Variants in CTDSPL observed in about 807,000 individuals in gnomAD.
CTDSPL encodes CTD small phosphatase like.
In CTDSPL, 8 loss-of-function variants were observed where a neutral mutation model predicts 30.5. The ratio of observed to expected loss-of-function variants is 0.26; its 90% CI spans 0.15 to 0.47. The LOEUF is 0.47. Among genes scored for constraint, CTDSPL ranks in the 20% least tolerant of loss-of-function variants. CTDSPL has a pLI of 0.99. For synonymous variants in CTDSPL, 110 were observed against 137.9 expected (o/e 0.80, Z 1.42); for missense variants, 248 against 366.1 (o/e 0.68, Z 2.63).
chr3:37,876,587 G>A (rs1302851336), intron 1 of CTDSPL, among the ~76,000 whole-genome samples: 2 of 152,110 alleles, frequency 1.3e-5, no homozygotes, highest in Non-Finnish European at 2.9e-5. Context: ...TTCTTTTTAT[G>A]TGTTTATTTG....
At chr3:37,952,267 C>G (rs993864844) in intron 2 of CTDSPL, among the ~76,000 whole-genome samples, 4 of 152,156 alleles carry the variant, frequency 2.6e-5, no homozygotes, top group African/African-American at 9.7e-5. Flanking sequence ...AGAAAGCTGA[C>G]AAATAATAGC....
chr3:37,894,665 CTT>C (rs1698371633), intron 1 of CTDSPL, among the ~76,000 whole-genome samples: 1 of 152,162 alleles, frequency 6.6e-6, no homozygotes. Flanking sequence ...TTCTCTCTCT[CTT>C]TGCCTTCTGG....
intron 7 of CTDSPL, among the ~76,000 whole-genome samples, chr3:37,979,585 C>T (rs535286191): frequency 6.8e-4 from 103 of 152,198 alleles, no homozygotes; most frequent in Non-Finnish European, 9.7e-4. Context: ...AAGAGCAAAA[C>T]TCCATCTCAA....
chr3:37,979,621 A>C (rs1184718166), intron 7 of CTDSPL, among the ~76,000 whole-genome samples: 1 of 151,952 alleles, frequency 6.6e-6, no homozygotes, highest in African/African-American at 2.4e-5. Context: ...AAAATTAGCC[A>C]AGCGTGGTGC....
At chr3:37,967,716 G>A (rs1699314369) in intron 4 of CTDSPL, 110 bp from the exon 5 acceptor site, 3 of 724,728 alleles carry the variant, frequency 4.1e-6, no homozygotes, top group Non-Finnish European at 6.9e-6. Context: ...CTCCTGAACT[G>A]TTTTTTCCAA....
At chr3:37,900,986 G>A (rs1179495552) in intron 1 of CTDSPL, among the ~76,000 whole-genome samples, 3 of 152,018 alleles carry the variant, frequency 2.0e-5, no homozygotes, top group East Asian at 1.9e-4. Flanking sequence ...TAGTAGAGAC[G>A]GGGTTTCACC....
Position 37,981,773 on chromosome 3 carries a change from T to C in CTDSPL, c.*906T>C. The C allele has an allele frequency of 2.2e-6, 1 of 455,782 alleles. No homozygotes were observed. The highest frequency in any genetic ancestry group is 4.4e-6 in the Non-Finnish European group (1 of 226,670). The allele number at this position is 455,782 out of a possible 1,614,324, so 28.2% of individuals were successfully genotyped here. A position where few individuals can be genotyped will look rare whatever the true frequency, so the allele number is the denominator to read the frequency against. Reference sequence around the variant, plus strand: ...CAGTTACAAGAAACCCTAAAACCCTTGGATATAAAAGAAATCTGTTTATTG... The same window carrying C: ...CAGTTACAAGAAACCCTAAAACCCTCGGATATAAAAGAAATCTGTTTATTG... On this transcript the variant is annotated 3_prime_UTR_variant, in exon 8 of 8. Coordinates refer to ENST00000273179, the MANE Select transcript of CTDSPL (RefSeq NM_001008392.2).
At chr3:37,979,295 G>A (rs951031019) in intron 7 of CTDSPL, among the ~76,000 whole-genome samples, 18 of 147,422 alleles carry the variant, frequency 1.2e-4, no homozygotes. Context: ...AGATCCTGTC[G>A]CTACTAAAAA....
At chr3:37,914,870 G>GTTATT (rs1266252934) in intron 1 of CTDSPL, among the ~76,000 whole-genome samples, 2 of 71,810 alleles carry the variant, frequency 2.8e-5, no homozygotes, top group East Asian at 3.6e-4. Flanking sequence ...AGATATATAT[G>GTTATT]TTCTTTTTTT....
At chr3:37,868,576 T>C (rs1275685394) in intron 1 of CTDSPL, among the ~76,000 whole-genome samples, 1 of 152,100 alleles carries the variant, frequency 6.6e-6, no homozygotes, top group Non-Finnish European at 1.5e-5. Context: ...TCTGAGTCCA[T>C]TTTTTAATAA....
At chr3:37,963,212 A>ATGGAG (rs750666578) in intron 3 of CTDSPL, among the ~76,000 whole-genome samples, 28 of 152,198 alleles carry the variant, frequency 1.8e-4, no homozygotes, top group Admixed American at 4.6e-4. Context: ...AGGAAGAAAC[A>ATGGAG]TGGAGTTAGA....
At chr3:37,961,431 TG>T (rs1174273365) in intron 3 of CTDSPL, among the ~76,000 whole-genome samples, 2 of 152,160 alleles carry the variant, frequency 1.3e-5, no homozygotes, top group African/African-American at 4.8e-5. Context: ...GGAACGCCAC[TG>T]AGGCTGTGTC....
intron 5 of CTDSPL, among the ~76,000 whole-genome samples, chr3:37,970,094 CCT>C (rs1390401935): frequency 1.3e-5 from 2 of 152,208 alleles, no homozygotes; most frequent in African/African-American, 4.8e-5. Context: ...TCTCTCACTA[CCT>C]CTGATGGCTG....
At position 37,980,826 on chromosome 3, in the gene CTDSPL, G is replaced by T. The variant is rs754063345; in HGVS notation, c.790G>T (p.Asp264Tyr). 6.2e-7 allele frequency: 1 copy of T among 1,614,158 alleles called. No individual in the cohort carries two copies. Among genetic ancestry groups the T allele is most frequent in the Non-Finnish European group, 8.5e-7 (1 of 1,180,040 alleles). ...IPFFEGLSRE[D>Y]DVYSMLHRLC... is the part of the protein sequence containing the mutation. The stretch of plus-strand genomic sequence containing the variant: ...CTTCTTTGAGGGCCTGAGCCGGGAG[G>T]ACGACGTGTACAGCATGCTGCACAG... Residue 264 changes from aspartate to tyrosine, a missense_variant, in exon 8 of 8, where the codon GAC (aspartate) becomes TAC (tyrosine). By Grantham distance (160) the Asp-to-Tyr change is radical. Transcript: ENST00000273179.
chr3:37,968,940 T>C (rs1244957020), intron 5 of CTDSPL, among the ~76,000 whole-genome samples: 1 of 152,226 alleles, frequency 6.6e-6, no homozygotes, highest in African/African-American at 2.4e-5. Flanking sequence ...TTCTTGCTTA[T>C]TCTCCAGGAC....
intron 1 of CTDSPL, among the ~76,000 whole-genome samples, chr3:37,882,759 T>C (rs1369554461): frequency 6.6e-6 from 1 of 152,198 alleles, no homozygotes; most frequent in Non-Finnish European, 1.5e-5. Flanking sequence ...TTTCCTCCAA[T>C]AGGAGAGTAT....
chr3:37,897,672 G>A (rs921721957), intron 1 of CTDSPL, among the ~76,000 whole-genome samples: 1 of 152,094 alleles, frequency 6.6e-6, no homozygotes, highest in African/African-American at 2.4e-5. Context: ...AGGCCTAGAT[G>A]GACATCTGCT....
intron 1 of CTDSPL, among the ~76,000 whole-genome samples, chr3:37,911,425 G>A (rs1383164662): frequency 1.3e-5 from 2 of 152,292 alleles, no homozygotes; most frequent in Non-Finnish European, 1.5e-5. Flanking sequence ...GCGAAAACTG[G>A]GAGAAAATTA....
chr3:37,960,646 C>T (rs1424056560), intron 3 of CTDSPL, among the ~76,000 whole-genome samples: 3 of 149,828 alleles, frequency 2.0e-5, no homozygotes, highest in Non-Finnish European at 4.4e-5. Flanking sequence ...AGGAGAATCA[C>T]GTGAACCCGG....
Sources: gnomAD v4.1 joint callset for allele counts (sites outside exome capture counted in the v4.1 genomes callset) on GRCh38, gnomAD v4.1.1 for gene constraint, MANE v1.5 for transcripts, NCBI Gene and HGNC (gene_info 2026-07-23, HGNC 2026-07-21) for gene names.